The following HPSE2 variants were observed in gnomAD, a reference collection of about 807,000 sequenced individuals.
HPSE2 encodes heparanase 2 (inactive), also known as inactive heparanase-2.
Under a neutral mutation model 60.5 loss-of-function variants are expected in HPSE2, and 38 were observed. The observed-to-expected ratio is 0.63, with a 90% CI of 0.48 to 0.82. The LOEUF (loss-of-function observed/expected upper bound fraction) is 0.82. HPSE2 is among the 40% of genes least tolerant of loss of function. The pLI is 0.00. For missense variants in HPSE2, 713 were observed against 740.4 expected (o/e 0.96, Z 0.43); for synonymous variants, 295 against 293.2 (o/e 1.01, Z -0.06).
chr10:98,478,076 A>G lies in HPSE2; in HGVS notation c.1613+4560T>C, dbSNP rs77325035. Among the ~76,000 whole-genome samples the G allele has an allele frequency of 1.1e-4, 17 of 152,348 alleles. No individual in the cohort carries two copies. In the East Asian group the frequency reaches 3.3e-3, roughly 29 times the overall value. ...TAAAACAGTTGGGGACCACTGCCCTAGAGGACAGTGGCTATTGCTTTGTGA... is the reference window on the plus strand; with the variant it reads ...TAAAACAGTTGGGGACCACTGCCCTGGAGGACAGTGGCTATTGCTTTGTGA... On this transcript the variant is annotated intron_variant, in intron 11 of 11. Coordinates refer to ENST00000370552, the MANE Select transcript of HPSE2 (RefSeq NM_021828.5).
At chr10:98,876,740 G>A (rs979678590) in intron 3 of HPSE2, among the ~76,000 whole-genome samples, 9 of 151,796 alleles carry the variant, frequency 5.9e-5, no homozygotes, top group African/African-American at 2.2e-4. Context: ...ATATCTTCAT[G>A]GCTGACTCAC....
At chr10:98,844,268 C>A (rs1951984842) in intron 3 of HPSE2, among the ~76,000 whole-genome samples, 1 of 152,146 alleles carries the variant, frequency 6.6e-6, no homozygotes, top group Admixed American at 6.5e-5. Flanking sequence ...CGGAAGGCAT[C>A]CGTAAGATTA....
intron 11 of HPSE2, among the ~76,000 whole-genome samples, chr10:98,477,593 C>T (rs947672153): frequency 3.3e-5 from 5 of 152,236 alleles, no homozygotes; most frequent in African/African-American, 1.2e-4. Flanking sequence ...ACACTGGGAT[C>T]TGATCTAACA....
At chr10:99,180,909 A>C (rs1285775659) in intron 2 of HPSE2, among the ~76,000 whole-genome samples, 11 of 149,810 alleles carry the variant, frequency 7.3e-5, no homozygotes, top group African/African-American at 2.7e-4. Flanking sequence ...AAAAAAAAAA[A>C]AAAAAAAAAC....
intron 3 of HPSE2, among the ~76,000 whole-genome samples, chr10:98,869,430 A>G (rs1952675626): frequency 6.6e-6 from 1 of 152,164 alleles, no homozygotes; most frequent in Admixed American, 6.6e-5. Context: ...ACTTACTACA[A>G]CAATGTTGTT....
At chr10:98,711,553 C>G (rs72840587) in intron 5 of HPSE2, among the ~76,000 whole-genome samples, 2,294 of 152,170 alleles carry the variant, frequency 0.015, 32 homozygotes, top group African/African-American at 0.03. Context: ...GCCATGTGAC[C>G]TTGGGTAAGT....
At position 98,459,600 on chromosome 10, in the gene HPSE2, T is replaced by C. The variant is rs1421420120; in HGVS notation, c.1753A>G (p.Asn585Asp). The change falls in exon 12 of 12, where the codon AAT (asparagine) becomes GAT (aspartate). Residue 585 changes from asparagine to aspartate, a missense_variant. Asn to Asp is a conservative substitution (Grantham distance 23). Coordinates refer to ENST00000370552, the MANE Select transcript of HPSE2 (RefSeq NM_021828.5). ...TATCGGTAGCGGCAGGCCAAAGCAT[T>C]GACATTCTTGACCACATAAAAGCCC... ...TMGFYVVKNV[N>D]ALACRYR The C allele has an allele frequency of 6.2e-7, 1 of 1,613,984 alleles. No individual in the cohort carries two copies. The highest frequency in any genetic ancestry group is 8.5e-7 in the Non-Finnish European group (1 of 1,180,022).
intron 3 of HPSE2, among the ~76,000 whole-genome samples, chr10:99,123,272 C>G (rs923562200): frequency 1.3e-5 from 2 of 152,040 alleles, no homozygotes; most frequent in Admixed American, 6.6e-5. Context: ...AAGATCAACA[C>G]CCAATTTAAA....
chr10:99,026,351 G>A (rs534205214), intron 3 of HPSE2, among the ~76,000 whole-genome samples: 1 of 152,030 alleles, frequency 6.6e-6, no homozygotes, highest in East Asian at 1.9e-4. Flanking sequence ...GATGTCAGGA[G>A]AAAAACTATC....
At chr10:99,250,239 T>C in the HPSE2 span, among the ~76,000 whole-genome samples, 33 of 152,112 alleles carry the variant, frequency 2.2e-4, no homozygotes, top group Non-Finnish European at 4.1e-4. Flanking sequence ...TCTGCCATAA[T>C]TGAAAATTTC....
rs993550687 is a variant in HPSE2, at chr10:98,719,505, G to A, written c.956+2152C>T. Among the ~76,000 whole-genome samples, 11 of 151,720 alleles carry A rather than the reference G, an allele frequency of 7.3e-5. No individual in the cohort carries two copies. The Admixed American group carries it at 7.3e-4, about 10-fold the overall frequency. ...TGAAACAAAATAAAAAGATGTAAAG[G>A]TATAAAAGAGTAGGGTATCTTCCAA... is the stretch of plus-strand genomic sequence containing the variant. On this transcript the variant is annotated intron_variant, in intron 5 of 11. Transcript: ENST00000370552.
At chr10:99,308,379 C>CAAAAAAAAAAAAAAAAAAAAAAAAA in the HPSE2 span, among the ~76,000 whole-genome samples, 898 of 27,824 alleles carry the variant, frequency 0.032, 163 homozygotes, top group Non-Finnish European at 0.041. Flanking sequence ...GACTCTGTCT[C>CAAAAAAAAAAAAAAAAAAAAAAAAA]AAAAAAAAAA....
intron 3 of HPSE2, among the ~76,000 whole-genome samples, chr10:98,789,644 C>T (rs1440719928): frequency 1.3e-5 from 2 of 152,176 alleles, no homozygotes; most frequent in African/African-American, 2.4e-5. Context: ...GATGAGGCTA[C>T]TCTCTGCAGA....
At chr10:98,498,141 C>G (rs1252164680) in intron 9 of HPSE2, among the ~76,000 whole-genome samples, 2 of 152,320 alleles carry the variant, frequency 1.3e-5, no homozygotes, top group East Asian at 3.9e-4. Flanking sequence ...GACAAAGCAG[C>G]ATGCGGAGGC....
intron 8 of HPSE2, among the ~76,000 whole-genome samples, chr10:98,617,097 G>C (rs1428065002): frequency 6.6e-6 from 1 of 152,124 alleles, no homozygotes; most frequent in Non-Finnish European, 1.5e-5. Context: ...GTCAAACGAA[G>C]GAAGAAACAA....
At chr10:99,029,618 G>A (rs904350818) in intron 3 of HPSE2, among the ~76,000 whole-genome samples, 13 of 152,234 alleles carry the variant, frequency 8.5e-5, no homozygotes, top group African/African-American at 3.1e-4. Context: ...AGGAGACAAA[G>A]AGAAAGACAG....
intron 9 of HPSE2, among the ~76,000 whole-genome samples, chr10:98,549,564 T>C (rs1943798432): frequency 1.3e-5 from 2 of 152,200 alleles, no homozygotes; most frequent in Non-Finnish European, 2.9e-5. Context: ...CTTGCAGCAC[T>C]GACAAACTTC....
chr10:99,184,522 C>CCAAAA (rs1847899081), intron 2 of HPSE2, among the ~76,000 whole-genome samples: 5 of 60,788 alleles, frequency 8.2e-5, no homozygotes, highest in African/African-American at 6.1e-4. Flanking sequence ...GAGACTGTCT[C>CCAAAA]AAAAAAAAAA....
intron 3 of HPSE2, among the ~76,000 whole-genome samples, chr10:98,939,157 C>T (rs1283407709): frequency 7.0e-6 from 1 of 143,782 alleles, no homozygotes; most frequent in Non-Finnish European, 1.5e-5. Flanking sequence ...ACCATCGAGG[C>T]TAGGAAGAAA....
Sources: gnomAD v4.1 joint callset for allele counts (sites outside exome capture counted in the v4.1 genomes callset) on GRCh38, gnomAD v4.1.1 for gene constraint, MANE v1.5 for transcripts, NCBI Gene and HGNC (gene_info 2026-07-23, HGNC 2026-07-21) for gene names.